Variants in TSGA13 observed in about 807,000 individuals in gnomAD.
TSGA13 encodes testis specific 13, also known as testis-specific gene 13 protein.
TSGA13 carries 37 observed loss-of-function variants against 35.1 expected under a neutral mutation model. That is an observed-to-expected ratio of 1.05 (90% CI 0.81 to 1.39). The LOEUF (loss-of-function observed/expected upper bound fraction) is 1.39, where lower values mean the gene tolerates loss of function less well. Among genes scored for constraint, TSGA13 ranks in the 40% most tolerant of loss-of-function variants. TSGA13 has a pLI of 0.00. For missense variants in TSGA13, 338 were observed against 328.5 expected (o/e 1.03, Z -0.22); for synonymous variants, 124 against 121.2 (o/e 1.02, Z -0.15).
In TSGA13 at chr7:130,685,181, T is replaced by G; in HGVS notation, c.23+7A>C. 1 of 1,613,194 alleles carries G rather than the reference T, an allele frequency of 6.2e-7. No individual in the cohort carries two copies. Among genetic ancestry groups the G allele is most frequent in the African/African-American group, 1.3e-5 (1 of 75,054 alleles). On this transcript the variant is annotated splice_region_variant and intron_variant, in intron 2 of 7. Coordinates refer to ENST00000356588, the MANE Select transcript of TSGA13 (RefSeq NM_052933.4). The stretch of plus-strand genomic sequence containing the variant: ...TATAACTTAGTTGGGCAAACAAGAC[T>G]ACATACTTGGTTTGTCTCTTTTGGC...
At chr7:130,683,920 T>C (rs1047900954) in intron 2 of TSGA13, among the ~76,000 whole-genome samples, 1 of 152,232 alleles carries the variant, frequency 6.6e-6, no homozygotes, top group Non-Finnish European at 1.5e-5. Flanking sequence ...GTGACATCCA[T>C]TGAGTTGGTT....
chr7:130,670,340 G>A (rs921216329), intron 7 of TSGA13, among the ~76,000 whole-genome samples: 2 of 152,118 alleles, frequency 1.3e-5, no homozygotes, highest in African/African-American at 4.8e-5. Flanking sequence ...GCTGGCAGAC[G>A]GGTTGAGCAA....
At chr7:130,674,664 A>G (rs538575716) in intron 5 of TSGA13, among the ~76,000 whole-genome samples, 1 of 152,362 alleles carries the variant, frequency 6.6e-6, no homozygotes, top group Non-Finnish European at 1.5e-5. Context: ...AGCACCCGTA[A>G]TAGTGCCTGG....
rs1554464993 is a variant in TSGA13 at position 130,680,963 on chromosome 7, T to G, written c.157A>C (p.Thr53Pro). The change falls in exon 4 of 8, where the codon ACA (threonine) becomes CCA (proline). Residue 53 changes from threonine (T) to proline (P), a missense_variant. Thr to Pro is a conservative substitution (Grantham distance 38). Coordinates refer to ENST00000356588, the MANE Select transcript of TSGA13 (RefSeq NM_052933.4). ...KFVLENLRHY[T>P]VHPNLAQYYK... ...CTACCTACCAAATTTGGATGGACTG[T>G]GTAATGCCGAAGGTTCTCTAGAACA... The G allele has an allele frequency of 1.9e-6, 3 of 1,614,096 alleles. No homozygotes were observed.
Position 130,682,274 on chromosome 7 carries a change from C to T in TSGA13, c.103-1257G>A, listed in dbSNP as rs182180106. 3.8e-3 allele frequency among the ~76,000 whole-genome samples: 577 copies of T among 152,182 alleles called. 1 individual carries two copies. Among genetic ancestry groups the T allele is most frequent in the African/African-American group, 0.012 (496 of 41,512 alleles). ...AGCTGGGATTACAGGCTCCCACCAC[C>T]GCACCTGGCTAATTTTTGTATTTTT... is the stretch of plus-strand genomic sequence containing the variant. On this transcript the variant is annotated intron_variant, in intron 3 of 7. Coordinates refer to ENST00000356588, the MANE Select transcript of TSGA13 (RefSeq NM_052933.4).
intron 7 of TSGA13, among the ~76,000 whole-genome samples, chr7:130,670,915 C>T (rs782753077): frequency 6.6e-6 from 1 of 152,178 alleles, no homozygotes; most frequent in Admixed American, 6.5e-5. Flanking sequence ...ACACGCCCAG[C>T]CTGTCAAGGC....
chr7:130,674,654 A>G (rs1294564057), intron 5 of TSGA13, among the ~76,000 whole-genome samples: 1 of 152,212 alleles, frequency 6.6e-6, no homozygotes, highest in African/African-American at 2.4e-5. Flanking sequence ...ATATATCCCT[A>G]GCACCCGTAA....
rs201751276 is a variant in TSGA13, at chr7:130,679,257, C to T, written c.285G>A (p.Thr95=). 54 of 1,614,026 alleles carry T rather than the reference C, an allele frequency of 3.3e-5. No homozygotes were observed. The highest frequency in any genetic ancestry group is 4.4e-5 in the Non-Finnish European group (52 of 1,180,030). Residue 95 remains threonine (T), a synonymous_variant, in exon 5 of 8, where the codon ACG becomes ACA. Transcript: ENST00000356588. ...GTGGGTTGTTGGTCATAATCAGTAA[C>T]GTCTTATCCTGGTCATACTGTGTTA... ...LKVTQYDQDK[T]LLIMTNNPPP...
chr7:130,681,529 A>G (rs758784234), intron 3 of TSGA13, among the ~76,000 whole-genome samples: 1 of 151,702 alleles, frequency 6.6e-6, no homozygotes, highest in Non-Finnish European at 1.5e-5. Context: ...CTCACAGAGA[A>G]AGGAAGAAGA....
At position 130,679,154 on chromosome 7, in the gene TSGA13, C is replaced by T. The variant is rs782206041; in HGVS notation, c.387+1G>A. 2 of 1,613,184 alleles carry T rather than the reference C, an allele frequency of 1.2e-6. No homozygotes were observed. Among genetic ancestry groups the T allele is most frequent in the South Asian group, 2.2e-5 (2 of 90,966 alleles). On this transcript the variant is annotated splice_donor_variant, in intron 5 of 7. Transcript: ENST00000356588. LOFTEE classifies it high-confidence loss of function. ...TTGGGTGCCAGGAGACTTCTGCTTA[C>T]CATGACCTTGAGCAGTAACTCCTTG... is the stretch of plus-strand genomic sequence containing the variant.
intron 5 of TSGA13, among the ~76,000 whole-genome samples, chr7:130,674,774 T>A (rs1394519869): frequency 6.6e-6 from 1 of 152,246 alleles, no homozygotes; most frequent in Non-Finnish European, 1.5e-5. Context: ...AAAGACTTTT[T>A]GTCTTTAATA....
rs1554462127 is a variant in TSGA13, at chr7:130,668,713, G to A, written c.*301C>T. ...CCCAGACCCACCGCAACCGTCCCAG[G>A]CGCCGCAGCCGGCGAGCGGAAGAGG... On this transcript the variant is annotated 3_prime_UTR_variant, in exon 8 of 8. Transcript: ENST00000356588. 4 of 1,510,738 alleles carry A rather than the reference G, an allele frequency of 2.6e-6. No individual in the cohort carries two copies. Among genetic ancestry groups the A allele is most frequent in the Non-Finnish European group, 3.5e-6 (4 of 1,129,376 alleles). 93.6% of individuals were successfully genotyped at this position (1,510,738 alleles called of 1,614,324 possible).
At chr7:130,678,742 C>T (rs1163307825) in intron 5 of TSGA13, among the ~76,000 whole-genome samples, 6 of 152,166 alleles carry the variant, frequency 3.9e-5, no homozygotes, top group African/African-American at 1.4e-4. Flanking sequence ...AAGAGATAGA[C>T]CAAGTGCAGT....
At chr7:130,680,598 TTC>T (rs1167167325) in intron 4 of TSGA13, among the ~76,000 whole-genome samples, 5 of 151,976 alleles carry the variant, frequency 3.3e-5, no homozygotes, top group Non-Finnish European at 5.9e-5. Context: ...AAATTTGCCT[TTC>T]TCTCAATAGG....
rs782488440 is a variant in TSGA13 at position 130,680,951 on chromosome 7, T to C, written c.169A>G (p.Asn57Asp). The C allele has an allele frequency of 1.2e-6, 2 of 1,613,850 alleles. No homozygotes were observed. The highest frequency in any genetic ancestry group is 1.7e-6 in the Non-Finnish European group (2 of 1,179,990). Residue 57 changes from asparagine to aspartate, a missense_variant, in exon 4 of 8, where the codon AAT (asparagine) becomes GAT (aspartate). By Grantham distance (23) the Asn-to-Asp change is conservative (BLOSUM62 1). Coordinates refer to ENST00000356588, the MANE Select transcript of TSGA13 (RefSeq NM_052933.4). ...ENLRHYTVHP[N>D]LAQYYKPLKA... ...GGAATGCTTTCTCTACCTACCAAATTTGGATGGACTGTGTAATGCCGAAGG... is the reference window on the plus strand; with the variant it reads ...GGAATGCTTTCTCTACCTACCAAATCTGGATGGACTGTGTAATGCCGAAGG...
intron 4 of TSGA13, among the ~76,000 whole-genome samples, chr7:130,680,308 C>T (rs1341120481): frequency 6.6e-6 from 1 of 152,098 alleles, no homozygotes; most frequent in East Asian, 1.9e-4. Flanking sequence ...AGATCGAGAC[C>T]ATCCTGGCTA....
intron 2 of TSGA13, 122 bp downstream of exon 2, chr7:130,685,066 A>C (rs1461794252): frequency 4.8e-6 from 5 of 1,031,020 alleles, no homozygotes; most frequent in Admixed American, 1.8e-5. Flanking sequence ...ACAATCAGTC[A>C]ATTAAAATAT....
At chr7:130,673,880 G>C (rs1371485055) in intron 5 of TSGA13, among the ~76,000 whole-genome samples, 1 of 152,148 alleles carries the variant, frequency 6.6e-6, no homozygotes, top group Non-Finnish European at 1.5e-5. Context: ...GGATCATGAG[G>C]TCAGGAGTTC....
intron 5 of TSGA13, among the ~76,000 whole-genome samples, chr7:130,673,560 G>A (rs1354638852): frequency 1.3e-5 from 2 of 152,094 alleles, no homozygotes; most frequent in Non-Finnish European, 2.9e-5. Context: ...CTTCCATAGA[G>A]TCCTTAAACA....
Sources: gnomAD v4.1 joint callset for allele counts (sites outside exome capture counted in the v4.1 genomes callset) on GRCh38, gnomAD v4.1.1 for gene constraint, MANE v1.5 for transcripts, NCBI Gene and HGNC (gene_info 2026-07-23, HGNC 2026-07-21) for gene names.